The following MCU variants were observed in gnomAD, a reference collection of about 807,000 sequenced individuals.
The protein encoded by MCU is calcium uniporter protein, mitochondrial.
In MCU, 12 loss-of-function variants were observed where a neutral mutation model predicts 45.2. The ratio of observed to expected loss-of-function variants is 0.27; its 90% CI spans 0.17 to 0.43. MCU has a LOEUF of 0.43. Among genes scored for constraint, MCU ranks in the 20% least tolerant of loss-of-function variants. The pLI is 1.00. For synonymous variants in MCU, 160 were observed against 165.1 expected, an observed-to-expected ratio of 0.97 and a Z score of 0.24; for missense variants, 324 against 436.7, an observed-to-expected ratio of 0.74 and a Z score of 2.30.
rs1488982583 is a variant in MCU, at chr10:72,859,189, T to C, written c.233T>C (p.Val78Ala). The C allele has an allele frequency of 1.3e-6, 2 of 1,595,770 alleles. No homozygotes were observed. Among genetic ancestry groups the C allele is most frequent in the African/African-American group, 2.7e-5 (2 of 74,216 alleles). ...TVVPSDDVTV[V>A]YQNGLPVISV... is the part of the protein sequence containing the mutation. ...CTTTTTCATTCAGATGTTACAGTGG[T>C]TTATCAAAATGGGTTACCTGTGATA... The change falls in exon 3 of 8, where the codon GTT (valine) becomes GCT (alanine). Residue 78 changes from valine (V) to alanine (A), a missense_variant. Transcript: ENST00000373053.
intron 1 of MCU, among the ~76,000 whole-genome samples, chr10:72,703,665 G>A (rs141754131): frequency 0.028 from 4,287 of 152,278 alleles, 209 homozygotes; most frequent in African/African-American, 0.098. Flanking sequence ...AGCACTTTGG[G>A]AGGTGGAGGC....
intron 1 of MCU, among the ~76,000 whole-genome samples, chr10:72,790,542 AT>A (rs1480062308): frequency 6.6e-6 from 1 of 152,170 alleles, no homozygotes; most frequent in African/African-American, 2.4e-5. Flanking sequence ...GATGTATTTT[AT>A]TTTTGAATTC....
intron 1 of MCU, among the ~76,000 whole-genome samples, chr10:72,698,877 C>T (rs954416335): frequency 6.6e-6 from 1 of 152,076 alleles, no homozygotes; most frequent in Non-Finnish European, 1.5e-5. Flanking sequence ...GATCATGGCT[C>T]ACCGCAGCCT....
At chr10:72,749,877 C>T (rs1050411760) in intron 1 of MCU, among the ~76,000 whole-genome samples, 4 of 152,108 alleles carry the variant, frequency 2.6e-5, no homozygotes, top group African/African-American at 9.7e-5. Flanking sequence ...AGTGATTCTC[C>T]TGCCTCAGCC....
At chr10:72,789,913 C>T (rs1844133422) in intron 1 of MCU, among the ~76,000 whole-genome samples, 3 of 152,100 alleles carry the variant, frequency 2.0e-5, no homozygotes, top group Non-Finnish European at 2.9e-5. Context: ...ATATGGAGCA[C>T]AGGAAAATGA....
At chr10:72,793,169 G>T (rs542328902) in intron 1 of MCU, among the ~76,000 whole-genome samples, 122 of 152,228 alleles carry the variant, frequency 8.0e-4, no homozygotes, top group African/African-American at 2.8e-3. Flanking sequence ...GAGCCACCGT[G>T]CCTGGCCTGA....
intron 7 of MCU, 96 bp from the exon 8 acceptor site, chr10:72,885,649 C>T (rs1174484778): frequency 1.3e-6 from 1 of 787,648 alleles, no homozygotes; most frequent in Non-Finnish European, 2.2e-6. Context: ...ATCTCTCTGA[C>T]TTATAGTAAT....
At chr10:72,747,683 AT>A (rs1843434412) in intron 1 of MCU, among the ~76,000 whole-genome samples, 1 of 152,140 alleles carries the variant, frequency 6.6e-6, no homozygotes, top group Non-Finnish European at 1.5e-5. Context: ...AAGGAAAAAA[AT>A]AAAAAAGCTA....
intron 1 of MCU, among the ~76,000 whole-genome samples, chr10:72,798,539 C>G (rs999784347): frequency 6.6e-6 from 1 of 152,174 alleles, no homozygotes; most frequent in Non-Finnish European, 1.5e-5. Context: ...ATCCATCCGC[C>G]TCAGCCTCCC....
At chr10:72,704,981 A>T (rs961809382) in intron 1 of MCU, among the ~76,000 whole-genome samples, 1 of 151,912 alleles carries the variant, frequency 6.6e-6, no homozygotes, top group African/African-American at 2.4e-5. Context: ...GGCCTCCCAA[A>T]GTGCTGGGAT....
intron 1 of MCU, among the ~76,000 whole-genome samples, chr10:72,759,612 A>G (rs1050587929): frequency 3.3e-5 from 5 of 152,204 alleles, no homozygotes; most frequent in African/African-American, 4.8e-5. Context: ...AAAAACTCTC[A>G]GTACAAAAAT....
chr10:72,821,732 G>A (rs1437931617), intron 1 of MCU, among the ~76,000 whole-genome samples: 1 of 152,118 alleles, frequency 6.6e-6, no homozygotes, highest in Non-Finnish European at 1.5e-5. Flanking sequence ...ACACAAAAAT[G>A]TCAACTTCAA....
chr10:72,854,334 A>G (rs1457462642), intron 2 of MCU, among the ~76,000 whole-genome samples: 1 of 152,176 alleles, frequency 6.6e-6, no homozygotes, highest in Non-Finnish European at 1.5e-5. Context: ...AGAGGAAAAA[A>G]GACATAGAGG....
intron 1 of MCU, among the ~76,000 whole-genome samples, chr10:72,768,302 A>G (rs1843756858): frequency 6.6e-6 from 1 of 152,204 alleles, no homozygotes; most frequent in Non-Finnish European, 1.5e-5. Context: ...GTTTTGAGAT[A>G]GACATATGGT....
intron 1 of MCU, among the ~76,000 whole-genome samples, chr10:72,711,231 T>A (rs1232242359): frequency 6.6e-6 from 1 of 151,576 alleles, no homozygotes; most frequent in East Asian, 1.9e-4. Flanking sequence ...CTTTTTTTTT[T>A]TTTTTTTGGA....
At chr10:72,710,718 T>A (rs1267927837) in intron 1 of MCU, among the ~76,000 whole-genome samples, 1 of 151,974 alleles carries the variant, frequency 6.6e-6, no homozygotes. Context: ...CTTGAGAAAT[T>A]GAACATTATG....
At chr10:72,741,999 GGCGACAGA>G in intron 1 of MCU, among the ~76,000 whole-genome samples, 1 of 140,802 alleles carries the variant, frequency 7.1e-6, no homozygotes, top group Non-Finnish European at 1.5e-5. Flanking sequence ...CTCCAGCCTG[GGCGACAGA>G]GCAAGACTCC....
At chr10:72,847,433 T>C (rs1845139897) in intron 2 of MCU, among the ~76,000 whole-genome samples, 1 of 152,144 alleles carries the variant, frequency 6.6e-6, no homozygotes, top group Non-Finnish European at 1.5e-5. Flanking sequence ...GTGGCCATTC[T>C]AACAGGCTGG....
chr10:72,860,366 C>A, intron 3 of MCU, 57 bp from the exon 4 acceptor site: 1 of 1,406,456 alleles, frequency 7.1e-7, no homozygotes, highest in Non-Finnish European at 9.9e-7. Context: ...TTGAATTTTC[C>A]TGACCATTCT....
Sources: allele counts gnomAD v4.1 joint callset (sites outside exome capture counted in the v4.1 genomes callset), GRCh38; gene constraint gnomAD v4.1.1; transcripts MANE v1.5; gene names NCBI Gene and HGNC (gene_info 2026-07-23, HGNC 2026-07-21).